Variants in ARK2N observed in about 807,000 individuals in gnomAD.
ARK2N encodes arkadia (RNF111) N-terminal like PKA signaling regulator 2N.
the ARK2N span, among the ~76,000 whole-genome samples, chr18:46,206,247 G>C: frequency 6.6e-6 from 1 of 151,304 alleles, no homozygotes; most frequent in Non-Finnish European, 1.5e-5. Context: ...CATTACACAC[G>C]GCTAGTTTTT....
At chr18:46,199,231 T>A in the ARK2N span, among the ~76,000 whole-genome samples, 1 of 152,194 alleles carries the variant, frequency 6.6e-6, no homozygotes, top group Non-Finnish European at 1.5e-5. Context: ...TACCTTTCCA[T>A]GGTGGGCTTA....
At chr18:46,175,421 T>A in the ARK2N span, among the ~76,000 whole-genome samples, 1 of 152,100 alleles carries the variant, frequency 6.6e-6, no homozygotes, top group African/African-American at 2.4e-5. Flanking sequence ...TCTTGGGATA[T>A]TTTAAGGATG....
At chr18:46,228,954 C>T in the ARK2N span, 1 of 393,762 alleles carries the variant, frequency 2.5e-6, no homozygotes. Flanking sequence ...TTTTGGAAAG[C>T]CTTTTCTACA....
At chr18:46,197,574 C>T in the ARK2N span, among the ~76,000 whole-genome samples, 2,665 of 152,270 alleles carry the variant, frequency 0.018, 71 homozygotes, top group African/African-American at 0.06. Flanking sequence ...AGTCCAAGTA[C>T]GGCTGAAGCT....
the ARK2N span, among the ~76,000 whole-genome samples, chr18:46,212,661 T>G: frequency 6.6e-6 from 1 of 152,170 alleles, no homozygotes; most frequent in African/African-American, 2.4e-5. Flanking sequence ...CTAATTTAGG[T>G]AGTATAAATT....
the ARK2N span, among the ~76,000 whole-genome samples, chr18:46,261,301 T>G: frequency 6.6e-6 from 1 of 152,234 alleles, no homozygotes; most frequent in African/African-American, 2.4e-5. Context: ...TTCCTTGGCC[T>G]ATCACTTTCA....
the ARK2N span, among the ~76,000 whole-genome samples, chr18:46,206,363 G>A: frequency 6.6e-6 from 1 of 152,120 alleles, no homozygotes; most frequent in Non-Finnish European, 1.5e-5. Flanking sequence ...CGGGATTATA[G>A]GGGTGAGCCA....
At chr18:46,266,916 G>GT in the ARK2N span, 2 of 150,588 alleles carry the variant, frequency 1.3e-5, no homozygotes, top group Non-Finnish European at 3.0e-5. Context: ...AAGATTTTCT[G>GT]TTTTTTGAAA....
chr18:46,244,307 G>A, the ARK2N span, among the ~76,000 whole-genome samples: 1 of 152,086 alleles, frequency 6.6e-6, no homozygotes, highest in Non-Finnish European at 1.5e-5. Context: ...ACTTATTTAG[G>A]ATTTTTTTCC....
At chr18:46,174,680 C>A in the ARK2N span, among the ~76,000 whole-genome samples, 1 of 152,202 alleles carries the variant, frequency 6.6e-6, no homozygotes. Context: ...TGAGGGGAGG[C>A]TGGAGGTGCC....
chr18:46,191,534 G>A, the ARK2N span, among the ~76,000 whole-genome samples: 1 of 151,968 alleles, frequency 6.6e-6, no homozygotes, highest in Admixed American at 6.6e-5. Context: ...TTTTTGTATT[G>A]ATTAATACGG....
At chr18:46,241,094 A>C in the ARK2N span, among the ~76,000 whole-genome samples, 33 of 152,356 alleles carry the variant, frequency 2.2e-4, no homozygotes, top group East Asian at 6.2e-3. Flanking sequence ...ATGAAAAATG[A>C]GTTTTACAAA....
chr18:46,256,435 G>C, the ARK2N span, among the ~76,000 whole-genome samples: 1 of 150,922 alleles, frequency 6.6e-6, no homozygotes, highest in Non-Finnish European at 1.5e-5. Flanking sequence ...AAATATTTTT[G>C]TATCTGGAGT....
the ARK2N span, among the ~76,000 whole-genome samples, chr18:46,195,524 C>T: frequency 7.0e-6 from 1 of 143,342 alleles, no homozygotes; most frequent in African/African-American, 2.7e-5. Context: ...GCTGGAATTA[C>T]AGCTTGAGCC....
At chr18:46,220,962 C>G in the ARK2N span, among the ~76,000 whole-genome samples, 1 of 151,986 alleles carries the variant, frequency 6.6e-6, no homozygotes, top group Non-Finnish European at 1.5e-5. Context: ...TTGGTGAAAC[C>G]TCATCGCTAC....
the ARK2N span, chr18:46,265,727 G>C: frequency 1.3e-5 from 2 of 152,592 alleles, no homozygotes; most frequent in Non-Finnish European, 2.9e-5. Flanking sequence ...TTCAGGCAAG[G>C]TATTAATGAT....
At chr18:46,174,111 G>C in the ARK2N span, 1 of 152,722 alleles carries the variant, frequency 6.5e-6, no homozygotes. Context: ...CTTGGTGGTA[G>C]AGGCTGCGGA....
At chr18:46,241,557 AT>A in the ARK2N span, among the ~76,000 whole-genome samples, 1 of 151,970 alleles carries the variant, frequency 6.6e-6, no homozygotes, top group Non-Finnish European at 1.5e-5. Flanking sequence ...CCCCGTCTCT[AT>A]TAACAATACA....
At chr18:46,215,175 C>T in the ARK2N span, among the ~76,000 whole-genome samples, 1 of 152,128 alleles carries the variant, frequency 6.6e-6, no homozygotes, top group Middle Eastern at 3.4e-3. Context: ...AAAAATTAGC[C>T]GGGTGTGGTG....
Sources: allele counts gnomAD v4.1 joint callset (sites outside exome capture counted in the v4.1 genomes callset), GRCh38; gene constraint gnomAD v4.1.1; transcripts MANE v1.5; gene names NCBI Gene and HGNC (gene_info 2026-07-23, HGNC 2026-07-21).